MIB1: variants seen among roughly 807,000 people sequenced by gnomAD.
MIB1 encodes E3 ubiquitin-protein ligase MIB1.
A neutral mutation model predicts 124.5 loss-of-function variants in MIB1; 278 were observed. That is an observed-to-expected ratio of 2.23 (90% CI 2.02 to 2.47). The LOEUF is 2.47. Among genes scored for constraint, MIB1 ranks in the 30% most tolerant of loss-of-function variants. MIB1 has a pLI of 0.00. For missense variants in MIB1, 957 were observed against 1,254.4 expected (o/e 0.76, Z 3.58); for synonymous variants, 446 against 429.4 (o/e 1.04, Z -0.48).
intron 1 of MIB1, among the ~76,000 whole-genome samples, chr18:21,749,603 A>T (rs2040950023): frequency 6.7e-6 from 1 of 150,050 alleles, no homozygotes; most frequent in South Asian, 2.1e-4. Context: ...ATGTATTGTG[A>T]CAACTGATAC....
Position 21,847,094 on chromosome 18 carries a change from G to T in MIB1, c.2362G>T (p.Ala788Ser), listed in dbSNP as rs772823951. 6.2e-7 allele frequency: 1 copy of T among 1,614,104 alleles called. No individual in the cohort carries two copies. The highest frequency in any genetic ancestry group is 1.7e-5 in the Admixed American group (1 of 60,024). The change falls in exon 16 of 21, where the codon GCA becomes TCA. Residue 788 changes from alanine to serine, a missense_variant. Transcript: ENST00000261537. The stretch of plus-strand genomic sequence containing the variant: ...CTGTCCTGATCCGAATCTCTGCAAA[G>T]CACTGGCAAAGTGTCATAAGGAAAA... ...DLCPDPNLCKALAKCHKEKVS... is the reference protein window; with the variant it reads ...DLCPDPNLCKSLAKCHKEKVS...
intron 2 of MIB1, among the ~76,000 whole-genome samples, chr18:21,766,861 A>G (rs1188219785): frequency 1.3e-5 from 2 of 152,166 alleles, no homozygotes; most frequent in Non-Finnish European, 2.9e-5. Context: ...CAGCATAGTA[A>G]GACCTCATCT....
In MIB1 at chr18:21,853,181, TC is replaced by T; in HGVS notation, c.2629del (p.Leu877PhefsTer17). The T allele has an allele frequency of 6.2e-7, 1 of 1,613,708 alleles. No individual in the cohort carries two copies. Among genetic ancestry groups the T allele is most frequent in the Non-Finnish European group, 8.5e-7 (1 of 1,179,758 alleles). On this transcript the variant is annotated frameshift_variant, in exon 18 of 21. Transcript: ENST00000261537. LOFTEE classifies it high-confidence loss of function. ...TATGCTCTGACAAGAAAGCAGCTGT[TC>T]TTTTTCAACCCTGTGGCCACATGTG... ...VVCSDKKAAV[L>X]FQPCGHMCAC...
chr18:21,824,836 T>C (rs2041910127), intron 12 of MIB1, among the ~76,000 whole-genome samples: 1 of 152,000 alleles, frequency 6.6e-6, no homozygotes, highest in Admixed American at 6.6e-5. Flanking sequence ...TTATCTATAG[T>C]TTTATTGCAA....
rs1011095646 is a variant in MIB1, at chr18:21,865,745, T to C, written c.*1079T>C. ...TTCCATTATCTCTTTCTTTATAGTA[T>C]TTTTTGTTATAAAGAAAACAGTCTT... On this transcript the variant is annotated 3_prime_UTR_variant, in exon 21 of 21. Transcript: ENST00000261537. The C allele has an allele frequency of 6.6e-6, 1 of 152,634 alleles. No homozygotes were observed. Among genetic ancestry groups the C allele is most frequent in the Admixed American group, 6.5e-5 (1 of 15,282 alleles). The allele number at this position is 152,634 out of a possible 1,614,324, so 9.5% of individuals were successfully genotyped here.
intron 15 of MIB1, among the ~76,000 whole-genome samples, chr18:21,845,207 G>T (rs936533365): frequency 6.6e-6 from 1 of 151,910 alleles, no homozygotes; most frequent in African/African-American, 2.4e-5. Flanking sequence ...TGGAGACGGG[G>T]TTTCACCTTA....
intron 4 of MIB1, among the ~76,000 whole-genome samples, chr18:21,777,314 G>C (rs1446608753): frequency 6.6e-6 from 1 of 151,828 alleles, no homozygotes; most frequent in Non-Finnish European, 1.5e-5. Context: ...CAGTTGCTCA[G>C]GTGACTGAGG....
intron 12 of MIB1, among the ~76,000 whole-genome samples, chr18:21,836,213 C>T (rs1436899598): frequency 6.6e-6 from 1 of 151,506 alleles, no homozygotes; most frequent in African/African-American, 2.4e-5. Context: ...CTGATCGTGC[C>T]ACTAACTGCA....
intron 1 of MIB1, among the ~76,000 whole-genome samples, chr18:21,733,520 C>G (rs1055311041): frequency 6.6e-6 from 1 of 152,012 alleles, no homozygotes; most frequent in Non-Finnish European, 1.5e-5. Flanking sequence ...CTCAGCCTCC[C>G]ACGTAAGCCT....
intron 12 of MIB1, chr18:21,826,119 T>G (rs1686017142): frequency 1.1e-5 from 2 of 178,136 alleles, no homozygotes; most frequent in Non-Finnish European, 1.2e-5. Context: ...CAATAGTATT[T>G]AAAGGAACAA....
chr18:21,726,979 G>A (rs974690662), intron 1 of MIB1, among the ~76,000 whole-genome samples: 3 of 152,112 alleles, frequency 2.0e-5, no homozygotes, highest in Non-Finnish European at 2.9e-5. Context: ...CTGCTCTCAA[G>A]GATGAACACT....
chr18:21,780,695 C>T (rs116963432), intron 6 of MIB1, among the ~76,000 whole-genome samples: 16 of 152,300 alleles, frequency 1.1e-4, no homozygotes, highest in Non-Finnish European at 2.2e-4. Context: ...TGATGTTTCT[C>T]CCCTGGCCTC....
In MIB1 at chr18:21,787,017, A is replaced by AT. The variant is rs149888040; in HGVS notation, c.909-4343dup. On this transcript the variant is annotated intron_variant, in intron 6 of 20. Transcript: ENST00000261537. ...TTATATGGCTTCGTATTGAAAGATC[A>AT]TTTTTTTTTTTTTTCCCAGTTTTTG... is the stretch of plus-strand genomic sequence containing the variant. Among the ~76,000 whole-genome samples, 524 of 135,554 alleles carry AT rather than the reference A, an allele frequency of 3.9e-3. 1 individual carries two copies. Among genetic ancestry groups the AT allele is most frequent in the Middle Eastern group, 0.019 (5 of 258 alleles). 88.9% of individuals were successfully genotyped at this position (135,554 alleles called of 152,430 possible). A position where few individuals can be genotyped will look rare whatever the true frequency, so the allele number is the denominator to read the frequency against.
chr18:21,740,689 C>A (rs995093243), upstream of MIB1, among the ~76,000 whole-genome samples: 2 of 152,236 alleles, frequency 1.3e-5, no homozygotes, highest in Non-Finnish European at 2.9e-5. Flanking sequence ...CACCACCGGG[C>A]GGCAACTCCA....
At chr18:21,787,921 CT>C (rs1307775552) in intron 6 of MIB1, among the ~76,000 whole-genome samples, 1 of 152,080 alleles carries the variant, frequency 6.6e-6, no homozygotes, top group East Asian at 1.9e-4. Context: ...ATACTACTCC[CT>C]TTAAGTAAAA....
rs908470344 is a variant in MIB1, at chr18:21,768,639, C to T, written c.418C>T (p.Arg140Cys). 5 of 1,573,616 alleles carry T rather than the reference C, an allele frequency of 3.2e-6. No homozygotes were observed. The highest frequency in any genetic ancestry group is 1.8e-5 in the Admixed American group (1 of 54,524). ...TATTTTTAGGGTTCTGTTAGAGTCT[C>T]GTAGGAAATCTAAGAAGATTACAGC... ...PGSERVLLES[R>C]RKSKKITARG... The change falls in exon 3 of 21, where the codon CGT becomes TGT. Residue 140 changes from arginine to cysteine, a missense_variant. By Grantham distance (180) the Arg-to-Cys change is radical. Transcript: ENST00000261537.
intron 1 of MIB1, among the ~76,000 whole-genome samples, chr18:21,732,998 C>T (rs181226232): frequency 1.2e-4 from 18 of 152,298 alleles, no homozygotes; most frequent in African/African-American, 3.8e-4. Context: ...GTTGCCATGA[C>T]CTTTGCTTGT....
intron 6 of MIB1, among the ~76,000 whole-genome samples, chr18:21,786,397 C>A (rs2041436315): frequency 6.6e-6 from 1 of 152,126 alleles, no homozygotes; most frequent in Admixed American, 6.6e-5. Context: ...GCGCCCAGCT[C>A]TATTTGGTTA....
At chr18:21,807,407 G>A (rs936740651) in intron 10 of MIB1, among the ~76,000 whole-genome samples, 7 of 152,182 alleles carry the variant, frequency 4.6e-5, no homozygotes, top group African/African-American at 1.7e-4. Context: ...ACTCCAGCCT[G>A]GGTGGCAGGA....
Sources: allele counts gnomAD v4.1 joint callset (sites outside exome capture counted in the v4.1 genomes callset), GRCh38; gene constraint gnomAD v4.1.1; transcripts MANE v1.5; gene names NCBI Gene and HGNC (gene_info 2026-07-23, HGNC 2026-07-21).